The following PPARGC1A variants were observed in gnomAD, a reference collection of about 807,000 sequenced individuals.
PPARGC1A encodes the protein PPARG coactivator 1 alpha.
Under a neutral mutation model 88.7 loss-of-function variants are expected in PPARGC1A, and 25 were observed. That is an observed-to-expected ratio of 0.28 (90% CI 0.21 to 0.39). PPARGC1A has a LOEUF of 0.39. PPARGC1A is among the 10% of genes least tolerant of loss of function. PPARGC1A has a pLI of 1.00. For synonymous variants in PPARGC1A, 363 were observed against 355.6 expected (o/e 1.02, Z -0.24); for missense variants, 880 against 968.7 (o/e 0.91, Z 1.22).
At chr4:23,889,303 C>T (rs1717436848) in intron 1 of PPARGC1A, 1 of 985,188 alleles carries the variant, frequency 1.0e-6, no homozygotes, top group African/African-American at 1.7e-5. Context: ...TCTTTTTATT[C>T]GCTGGCCAAA....
the PPARGC1A span, among the ~76,000 whole-genome samples, chr4:24,024,544 T>C: frequency 1.3e-5 from 2 of 152,186 alleles, no homozygotes; most frequent in Non-Finnish European, 2.9e-5. Context: ...GTCATATTGC[T>C]GCCCATACCT....
At chr4:24,245,703 G>A in the PPARGC1A span, among the ~76,000 whole-genome samples, 1 of 152,184 alleles carries the variant, frequency 6.6e-6, no homozygotes, top group Non-Finnish European at 1.5e-5. Context: ...TCAAGACCCA[G>A]CTTGGCAGCT....
chr4:24,241,269 T>A, the PPARGC1A span, among the ~76,000 whole-genome samples: 1 of 152,168 alleles, frequency 6.6e-6, no homozygotes, highest in African/African-American at 2.4e-5. Flanking sequence ...TAGAAAATAC[T>A]TTTGTAAAAG....
the PPARGC1A span, among the ~76,000 whole-genome samples, chr4:24,160,379 TTAAG>T: frequency 5.3e-5 from 8 of 152,292 alleles, no homozygotes; most frequent in East Asian, 5.8e-4. Flanking sequence ...ATTAAAACTA[TTAAG>T]TAAGTAAAAG....
At chr4:24,061,820 A>G in the PPARGC1A span, among the ~76,000 whole-genome samples, 4 of 152,216 alleles carry the variant, frequency 2.6e-5, no homozygotes, top group African/African-American at 9.6e-5. Context: ...TCTTCTACCC[A>G]GTATGGGTAA....
chr4:24,127,643 A>C, the PPARGC1A span, among the ~76,000 whole-genome samples: 12 of 152,160 alleles, frequency 7.9e-5, no homozygotes, highest in African/African-American at 2.9e-4. Context: ...GTTCCATCAC[A>C]GCTTTCCCTT....
At chr4:24,052,866 T>TC in the PPARGC1A span, among the ~76,000 whole-genome samples, 1 of 123,916 alleles carries the variant, frequency 8.1e-6, no homozygotes, top group African/African-American at 3.1e-5. Flanking sequence ...TTTTTTTTTT[T>TC]TTTTTTTTTT....
chr4:23,993,360 C>A, the PPARGC1A span, among the ~76,000 whole-genome samples: 1 of 152,016 alleles, frequency 6.6e-6, no homozygotes, highest in African/African-American at 2.4e-5. Flanking sequence ...CAAATGAAGA[C>A]AGAGTAGAAA....
chr4:24,179,486 C>T, the PPARGC1A span, among the ~76,000 whole-genome samples: 1 of 152,102 alleles, frequency 6.6e-6, no homozygotes, highest in East Asian at 1.9e-4. Flanking sequence ...CATGTTCTCT[C>T]TCTCTCTCTT....
chr4:24,426,745 A>G, the PPARGC1A span, among the ~76,000 whole-genome samples: 1 of 152,160 alleles, frequency 6.6e-6, no homozygotes, highest in Non-Finnish European at 1.5e-5. Context: ...GCTTGCGTGC[A>G]TGGATTTTTC....
the PPARGC1A span, among the ~76,000 whole-genome samples, chr4:23,935,599 G>A: frequency 1.3e-5 from 2 of 152,122 alleles, no homozygotes; most frequent in African/African-American, 4.8e-5. Flanking sequence ...TTTTTCCATA[G>A]AATTATTTCC....
At chr4:24,212,824 A>G in the PPARGC1A span, among the ~76,000 whole-genome samples, 25 of 152,318 alleles carry the variant, frequency 1.6e-4, no homozygotes, top group African/African-American at 5.8e-4. Context: ...TTCTTACCCA[A>G]GGAAAGCTGA....
At chr4:23,937,144 G>T in the PPARGC1A span, among the ~76,000 whole-genome samples, 1 of 151,384 alleles carries the variant, frequency 6.6e-6, no homozygotes, top group African/African-American at 2.4e-5. Context: ...GAGGGAGAAA[G>T]GATACGAGAT....
the PPARGC1A span, among the ~76,000 whole-genome samples, chr4:23,963,311 A>G: frequency 6.6e-6 from 1 of 152,176 alleles, no homozygotes; most frequent in Non-Finnish European, 1.5e-5. Flanking sequence ...TTCTTTACCC[A>G]CTGCAAGAAC....
the PPARGC1A span, among the ~76,000 whole-genome samples, chr4:24,214,874 T>G: frequency 6.6e-6 from 1 of 152,156 alleles, no homozygotes; most frequent in Non-Finnish European, 1.5e-5. Context: ...GCAAAAGATC[T>G]ACTTGGCAGA....
intron 3 of PPARGC1A, 175 bp downstream of exon 3, chr4:23,831,382 T>C: frequency 1.9e-6 from 1 of 525,194 alleles, no homozygotes; most frequent in Non-Finnish European, 3.3e-6. Flanking sequence ...AGACGTGTAT[T>C]ATCAACACTT....
chr4:24,316,898 A>G, the PPARGC1A span, among the ~76,000 whole-genome samples: 698 of 152,260 alleles, frequency 4.6e-3, 11 homozygotes, highest in African/African-American at 0.016. Flanking sequence ...AAATCTCCCT[A>G]CCTTCCACAG....
At chr4:24,040,826 A>G in the PPARGC1A span, among the ~76,000 whole-genome samples, 8 of 152,252 alleles carry the variant, frequency 5.3e-5, 1 homozygote, top group Admixed American at 1.3e-4. Flanking sequence ...CCTTTCCTTA[A>G]ACGTTTTCCC....
the PPARGC1A span, among the ~76,000 whole-genome samples, chr4:23,981,199 T>C: frequency 1.3e-5 from 2 of 152,038 alleles, no homozygotes; most frequent in East Asian, 1.9e-4. Context: ...GAGAAGGCAA[T>C]GGACTTTTAG....
Sources: allele counts gnomAD v4.1 joint callset (sites outside exome capture counted in the v4.1 genomes callset), GRCh38; gene constraint gnomAD v4.1.1; transcripts MANE v1.5; gene names NCBI Gene and HGNC (gene_info 2026-07-23, HGNC 2026-07-21).